CDH18: variants seen among roughly 807,000 people sequenced by gnomAD.
CDH18 encodes cadherin-18.
Under a neutral mutation model 67.9 loss-of-function variants are expected in CDH18, and 31 were observed. The observed-to-expected ratio is 0.46, with a 90% CI of 0.34 to 0.62. The LOEUF is 0.62. Among genes scored for constraint, CDH18 ranks in the 20% least tolerant of loss-of-function variants. The pLI is 0.01. For missense variants in CDH18, 890 were observed against 975.5 expected, an observed-to-expected ratio of 0.91 and a Z score of 1.17; for synonymous variants, 362 against 347.2, an observed-to-expected ratio of 1.04 and a Z score of -0.48.
intron 1 of CDH18, among the ~76,000 whole-genome samples, chr5:20,280,359 C>T (rs1185287195): frequency 6.6e-6 from 1 of 152,078 alleles, no homozygotes; most frequent in Non-Finnish European, 1.5e-5. Flanking sequence ...TCCCTCCCCA[C>T]TCCTCCCACC....
rs112581708 is a variant in CDH18, at chr5:20,450,397, G to A, written c.-580+125065C>T. Among the ~76,000 whole-genome samples, 1,363 of 152,160 alleles carry A rather than the reference G, an allele frequency of 9.0e-3. 17 individuals are homozygous for A. Among genetic ancestry groups the A allele is most frequent in the African/African-American group, 0.031 (1,285 of 41,516 alleles). On this transcript the variant is annotated intron_variant, in intron 1 of 14. Transcript: ENST00000507958. ...TCTAACAAAAGTCTCATCACATTAT[G>A]TACTTTCATATGGGATTGTATTTTG...
At chr5:20,117,863 T>A (rs569239682) in intron 2 of CDH18, among the ~76,000 whole-genome samples, 294 of 152,310 alleles carry the variant, frequency 1.9e-3, no homozygotes, top group Non-Finnish European at 3.7e-3. Context: ...TAACTTTTTT[T>A]AAAAGAATAG....
intron 11 of CDH18, 199 bp downstream of exon 11, chr5:19,502,793 G>A (rs1045994234): frequency 3.0e-5 from 17 of 570,776 alleles, no homozygotes; most frequent in Non-Finnish European, 5.0e-5. Context: ...AGATGCTTCT[G>A]AATAAATTCA....
intron 3 of CDH18, among the ~76,000 whole-genome samples, chr5:19,763,992 TACAAA>T (rs1475973905): frequency 5.4e-5 from 1 of 18,498 alleles, no homozygotes; most frequent in African/African-American, 1.8e-4. Context: ...CTACTAAAAA[TACAAA>T]AAAAAAAAAA....
At chr5:20,574,643 C>A (rs1453112575) in intron 1 of CDH18, among the ~76,000 whole-genome samples, 5 of 152,044 alleles carry the variant, frequency 3.3e-5, no homozygotes, top group Non-Finnish European at 7.4e-5. Flanking sequence ...TGCCCCAGCT[C>A]ATTATTTCTA....
Position 20,320,711 on chromosome 5 carries a change from G to C in CDH18, c.-579-65206C>G, listed in dbSNP as rs150401124. Among the ~76,000 whole-genome samples, 154 of 152,238 alleles carry C rather than the reference G, an allele frequency of 1.0e-3. 1 individual carries two copies. Among genetic ancestry groups the C allele is most frequent in the African/African-American group, 3.6e-3 (150 of 41,556 alleles). On this transcript the variant is annotated intron_variant, in intron 1 of 14. Coordinates refer to the CDH18 transcript ENST00000507958. ...AAAGGGGCCAACACACCTTAGTCCT[G>C]TCTCCAAGGTGAGACACAGAGACCC...
intron 2 of CDH18, among the ~76,000 whole-genome samples, chr5:20,048,753 C>A (rs995066786): frequency 6.6e-6 from 1 of 151,406 alleles, no homozygotes; most frequent in African/African-American, 2.4e-5. Context: ...AATAAATCTT[C>A]TGATATATTA....
intron 4 of CDH18, among the ~76,000 whole-genome samples, chr5:19,746,118 C>T (rs542494222): frequency 3.4e-4 from 52 of 152,018 alleles, no homozygotes; most frequent in South Asian, 8.3e-4. Flanking sequence ...CGTAGAAGAA[C>T]CATTTTTAAA....
At chr5:19,905,365 G>C (rs2150124210) in intron 2 of CDH18, among the ~76,000 whole-genome samples, 1 of 152,046 alleles carries the variant, frequency 6.6e-6, no homozygotes, top group East Asian at 1.9e-4. Flanking sequence ...AACTTGTAGA[G>C]CACAACCTGA....
intron 2 of CDH18, among the ~76,000 whole-genome samples, chr5:20,179,671 A>G (rs1737528816): frequency 1.3e-5 from 2 of 152,166 alleles, no homozygotes; most frequent in Non-Finnish European, 2.9e-5. Context: ...AAACCAAGGG[A>G]GTCAAGCAAA....
At chr5:20,170,274 G>A (rs965885553) in intron 2 of CDH18, among the ~76,000 whole-genome samples, 3 of 151,498 alleles carry the variant, frequency 2.0e-5, no homozygotes, top group Non-Finnish European at 2.9e-5. Flanking sequence ...GAGAACATGT[G>A]CTGTTTGGTT....
intron 12 of CDH18, among the ~76,000 whole-genome samples, chr5:19,474,919 C>T (rs1738182716): frequency 1.3e-5 from 2 of 151,920 alleles, no homozygotes; most frequent in South Asian, 4.2e-4. Context: ...TAAACTGTTA[C>T]TAAATAGAAA....
intron 1 of CDH18, among the ~76,000 whole-genome samples, chr5:20,310,943 C>T (rs2149988771): frequency 6.6e-6 from 1 of 152,192 alleles, no homozygotes; most frequent in East Asian, 1.9e-4. Flanking sequence ...CAGTAACGAC[C>T]AAATATATAT....
chr5:19,966,979 T>C (rs1173463835), intron 2 of CDH18, among the ~76,000 whole-genome samples: 2 of 152,018 alleles, frequency 1.3e-5, no homozygotes, highest in African/African-American at 4.8e-5. Context: ...TTAATTAAAA[T>C]TTATAGCACA....
chr5:20,323,399 C>T (rs948623008), intron 1 of CDH18, among the ~76,000 whole-genome samples: 9 of 152,058 alleles, frequency 5.9e-5, no homozygotes, highest in Admixed American at 2.6e-4. Context: ...TAGCATTTGC[C>T]TTTCAGAGAT....
At chr5:20,347,076 C>T (rs1164154975) in intron 1 of CDH18, among the ~76,000 whole-genome samples, 2 of 152,112 alleles carry the variant, frequency 1.3e-5, no homozygotes, top group African/African-American at 4.8e-5. Flanking sequence ...GGTGCTAAGA[C>T]CCATTTAGCT....
intron 2 of CDH18, among the ~76,000 whole-genome samples, chr5:19,904,306 GAAAAA>G (rs1185620799): frequency 1.5e-5 from 2 of 133,454 alleles, no homozygotes; most frequent in Non-Finnish European, 3.2e-5. Context: ...AAAAAGAAAA[GAAAAA>G]ACGAAAAGAA....
chr5:20,428,904 C>T (rs1001006532), intron 1 of CDH18, among the ~76,000 whole-genome samples: 9 of 152,058 alleles, frequency 5.9e-5, no homozygotes, highest in Admixed American at 5.9e-4. Flanking sequence ...TAGTGAATTT[C>T]CCATCATCCA....
chr5:20,494,447 G>A (rs922546009), intron 1 of CDH18, among the ~76,000 whole-genome samples: 5 of 151,920 alleles, frequency 3.3e-5, no homozygotes, highest in Admixed American at 1.3e-4. Context: ...TTACATGACT[G>A]TACAGGAATT....
Sources: allele counts gnomAD v4.1 joint callset (sites outside exome capture counted in the v4.1 genomes callset), GRCh38; gene constraint gnomAD v4.1.1; transcripts MANE v1.5; gene names NCBI Gene and HGNC (gene_info 2026-07-23, HGNC 2026-07-21).